The following TRPM7 variants were observed in gnomAD, a reference collection of about 807,000 sequenced individuals.
TRPM7 encodes transient receptor potential cation channel subfamily M member 7, also known as LTRPC ion channel family member 7.
Under a neutral mutation model 229.7 loss-of-function variants are expected in TRPM7, and 134 were observed. The observed-to-expected ratio is 0.58, with a 90% CI of 0.51 to 0.67. The LOEUF (loss-of-function observed/expected upper bound fraction) is 0.67. Ranked by LOEUF, TRPM7 falls within the 30% of genes least tolerant of loss-of-function variation. The pLI, the probability that TRPM7 is intolerant of heterozygous loss-of-function variation, is 0.00. For missense variants in TRPM7, 1,901 were observed against 2,210.0 expected (o/e 0.86, Z 2.80); for synonymous variants, 699 against 715.2 (o/e 0.98, Z 0.36).
At chr15:50,576,034 C>G (rs2054115196) in intron 31 of TRPM7, 115 bp from the exon 32 acceptor site, 2 of 1,060,738 alleles carry the variant, frequency 1.9e-6, no homozygotes, top group African/African-American at 1.6e-5. Flanking sequence ...CTGTTCCTCA[C>G]AAAAACAGAA....
intron 21 of TRPM7, among the ~76,000 whole-genome samples, chr15:50,602,766 C>T (rs1221173305): frequency 1.3e-5 from 2 of 151,988 alleles, no homozygotes; most frequent in African/African-American, 2.4e-5. Flanking sequence ...AAAACAGTAA[C>T]CATTATGAAA....
intron 21 of TRPM7, 48 bp from the exon 22 acceptor site, chr15:50,599,344 T>C (rs2059715737): frequency 7.3e-7 from 1 of 1,374,632 alleles, no homozygotes; most frequent in South Asian, 1.5e-5. Context: ...TTAAACACTA[T>C]GACAAATCTT....
intron 4 of TRPM7, among the ~76,000 whole-genome samples, chr15:50,644,513 A>G (rs1285793589): frequency 6.6e-6 from 1 of 152,224 alleles, no homozygotes; most frequent in South Asian, 2.1e-4. Context: ...AAACAAATGA[A>G]GCCAAAAGGC....
At chr15:50,684,030 TTAG>T (rs1241116847) in intron 1 of TRPM7, among the ~76,000 whole-genome samples, 5 of 152,084 alleles carry the variant, frequency 3.3e-5, no homozygotes, top group Admixed American at 2.6e-4. Context: ...CTGCTAATTT[TTAG>T]TAGAGACGGG....
At chr15:50,613,920 T>G in intron 14 of TRPM7, 79 bp from the exon 15 acceptor site, 1 of 1,493,084 alleles carries the variant, frequency 6.7e-7, no homozygotes, top group Non-Finnish European at 9.1e-7. Context: ...AATTTATATA[T>G]GTGTGCAAAT....
chr15:50,679,527 TA>T (rs1391885483), intron 1 of TRPM7, among the ~76,000 whole-genome samples: 16 of 49,966 alleles, frequency 3.2e-4, no homozygotes, highest in African/African-American at 1.2e-3. Flanking sequence ...TATATATATA[TA>T]TATATATATA....
chr15:50,637,322 T>C (rs1421773435), intron 7 of TRPM7, 100 bp downstream of exon 7: 2 of 1,093,440 alleles, frequency 1.8e-6, no homozygotes, highest in East Asian at 4.8e-5. Context: ...TCTTGCTATG[T>C]AAGAAAGAGC....
chr15:50,621,726 T>C (rs1270140041), intron 12 of TRPM7, among the ~76,000 whole-genome samples: 1 of 152,174 alleles, frequency 6.6e-6, no homozygotes, highest in East Asian at 1.9e-4. Flanking sequence ...TTTTTTGTTT[T>C]CTTTAAAAAT....
chr15:50,678,256 A>AAC (rs1827034538), intron 1 of TRPM7, among the ~76,000 whole-genome samples: 1 of 133,644 alleles, frequency 7.5e-6, no homozygotes, highest in African/African-American at 2.6e-5. Flanking sequence ...AAAAAACAAA[A>AAC]ACAAAAACAA....
chr15:50,616,069 C>A (rs186339938), intron 13 of TRPM7, among the ~76,000 whole-genome samples: 17 of 152,168 alleles, frequency 1.1e-4, no homozygotes, highest in African/African-American at 4.1e-4. Flanking sequence ...GAGAATGTCA[C>A]CTATGATATT....
At chr15:50,618,500 G>C (rs1194615995) in intron 13 of TRPM7, among the ~76,000 whole-genome samples, 1 of 152,036 alleles carries the variant, frequency 6.6e-6, no homozygotes, top group East Asian at 1.9e-4. Context: ...AACCTGGGAG[G>C]TGGAGCTTGC....
chr15:50,595,964 G>T (rs1297061849), intron 23 of TRPM7, among the ~76,000 whole-genome samples: 1 of 152,104 alleles, frequency 6.6e-6, no homozygotes, highest in Non-Finnish European at 1.5e-5. Flanking sequence ...ATTAACAGTG[G>T]AATTACTGAT....
chr15:50,662,882 T>C, intron 2 of TRPM7, 85 bp downstream of exon 2: 1 of 923,356 alleles, frequency 1.1e-6, no homozygotes, highest in Non-Finnish European at 1.7e-6. Context: ...ATTTATTTAG[T>C]GGTTTTTGTT....
chr15:50,685,825 G>A (rs1047622921), intron 1 of TRPM7, among the ~76,000 whole-genome samples: 10 of 152,096 alleles, frequency 6.6e-5, no homozygotes, highest in Non-Finnish European at 1.3e-4. Flanking sequence ...ACGATCAACT[G>A]TTCTCTGGGG....
At chr15:50,643,595 C>T in intron 4 of TRPM7, 42 bp from the exon 5 acceptor site, 1 of 1,546,674 alleles carries the variant, frequency 6.5e-7, no homozygotes, top group Non-Finnish European at 8.9e-7. Flanking sequence ...TGAACATGTT[C>T]ACAGGTTTCA....
chr15:50,686,572 A>ACCT lies in TRPM7; in HGVS notation c.-42_-40dup, dbSNP rs746897807. The ACCT allele has an allele frequency of 3.0e-5, 48 of 1,602,592 alleles. No individual in the cohort carries two copies. The highest frequency in any genetic ancestry group is 3.8e-5 in the Non-Finnish European group (45 of 1,174,198). ...CGGACTCCGGAAGGGCAGCAACTCC[A>ACCT]CCTCCTCCTCCTCCGCGGCCTGTAG... is the stretch of plus-strand genomic sequence containing the variant. On this transcript the variant is annotated 5_prime_UTR_variant, in exon 1 of 39. Transcript: ENST00000646667.
At chr15:50,602,553 G>C (rs552289307) in intron 21 of TRPM7, among the ~76,000 whole-genome samples, 1 of 152,176 alleles carries the variant, frequency 6.6e-6, no homozygotes, top group East Asian at 1.9e-4. Context: ...TGACAGAATT[G>C]GTTACTAGCT....
chr15:50,634,634 A>C, intron 7 of TRPM7, 78 bp from the exon 8 acceptor site: 1 of 1,030,390 alleles, frequency 9.7e-7, no homozygotes, highest in Non-Finnish European at 1.3e-6. Flanking sequence ...ATTAGGCAAA[A>C]TTCAGTACTC....
intron 1 of TRPM7, among the ~76,000 whole-genome samples, chr15:50,671,082 ACT>A (rs760834309): frequency 3.3e-5 from 5 of 152,110 alleles, no homozygotes; most frequent in East Asian, 1.9e-4. Flanking sequence ...CTTAAAATAT[ACT>A]CTTAGTATTT....
Sources: allele counts gnomAD v4.1 joint callset (sites outside exome capture counted in the v4.1 genomes callset), GRCh38; gene constraint gnomAD v4.1.1; transcripts MANE v1.5; gene names NCBI Gene and HGNC (gene_info 2026-07-23, HGNC 2026-07-21).